The following NSMCE2 variants were observed in gnomAD, a reference collection of about 807,000 sequenced individuals.
NSMCE2 encodes NSE2 SUMO ligase component of SMC5/6 complex, also known as E3 SUMO-protein ligase NSE2.
In NSMCE2, 24 loss-of-function variants were observed where a neutral mutation model predicts 23.8. The observed-to-expected ratio is 1.01, with a 90% CI of 0.73 to 1.42. The LOEUF (loss-of-function observed/expected upper bound fraction) is 1.42. Among genes scored for constraint, NSMCE2 ranks in the 40% most tolerant of loss-of-function variants. The pLI, the probability that NSMCE2 is intolerant of heterozygous loss-of-function variation, is 0.00. For missense variants in NSMCE2, 284 were observed against 296.5 expected (o/e 0.96, Z 0.31); for synonymous variants, 92 against 94.1 (o/e 0.98, Z 0.13).
chr8:125,121,704 C>T (rs1274902311), intron 3 of NSMCE2, among the ~76,000 whole-genome samples: 1 of 152,126 alleles, frequency 6.6e-6, no homozygotes, highest in African/African-American at 2.4e-5. Flanking sequence ...TAATAGCCAA[C>T]TTGTGATGCT....
At chr8:125,252,164 T>G (rs1173854671) in intron 5 of NSMCE2, among the ~76,000 whole-genome samples, 1 of 152,012 alleles carries the variant, frequency 6.6e-6, no homozygotes, top group Admixed American at 6.6e-5. Context: ...TTTAAGAGAC[T>G]AGTAAAGAGA....
intron 4 of NSMCE2, among the ~76,000 whole-genome samples, chr8:125,178,113 G>C (rs928753269): frequency 6.6e-6 from 1 of 152,244 alleles, no homozygotes; most frequent in Non-Finnish European, 1.5e-5. Flanking sequence ...CCTCTCAGTT[G>C]TGTGTCCTCC....
At chr8:125,099,497 C>T (rs542098453) in intron 1 of NSMCE2, among the ~76,000 whole-genome samples, 1 of 151,948 alleles carries the variant, frequency 6.6e-6, no homozygotes, top group South Asian at 2.1e-4. Context: ...TGGGACCCTA[C>T]AACATATGGA....
At chr8:125,123,866 CTTT>C (rs1819383368) in intron 3 of NSMCE2, among the ~76,000 whole-genome samples, 1 of 152,116 alleles carries the variant, frequency 6.6e-6, no homozygotes, top group Non-Finnish European at 1.5e-5. Flanking sequence ...ATCCCATTAG[CTTT>C]TTTATTCTTT....
intron 4 of NSMCE2, among the ~76,000 whole-genome samples, chr8:125,152,336 T>C (rs1821080170): frequency 6.6e-6 from 1 of 152,218 alleles, no homozygotes; most frequent in Admixed American, 6.5e-5. Flanking sequence ...GCACTTAGAC[T>C]AGAGGCTTTC....
At chr8:125,354,181 C>T (rs1406133273) in intron 5 of NSMCE2, among the ~76,000 whole-genome samples, 1 of 152,080 alleles carries the variant, frequency 6.6e-6, no homozygotes, top group Non-Finnish European at 1.5e-5. Flanking sequence ...ATCTGCCCAC[C>T]TCAGCCTCCC....
chr8:125,363,161 A>G (rs949072703), intron 7 of NSMCE2: 6 of 152,146 alleles, frequency 3.9e-5, no homozygotes, highest in Admixed American at 2.6e-4. Context: ...TCTAGTCACA[A>G]AAGTGTCTGT....
At chr8:125,112,334 T>C (rs1818799071) in intron 3 of NSMCE2, among the ~76,000 whole-genome samples, 1 of 152,226 alleles carries the variant, frequency 6.6e-6, no homozygotes, top group South Asian at 2.1e-4. Flanking sequence ...GAAAACAGTA[T>C]GGAGGTTCCT....
chr8:125,341,510 C>A (rs1383586026), intron 5 of NSMCE2, among the ~76,000 whole-genome samples: 2 of 152,168 alleles, frequency 1.3e-5, no homozygotes, highest in African/African-American at 4.8e-5. Flanking sequence ...CCCTGCCTTG[C>A]CCTTTCAGGA....
At chr8:125,332,499 A>G (rs2131301886) in intron 5 of NSMCE2, among the ~76,000 whole-genome samples, 1 of 152,352 alleles carries the variant, frequency 6.6e-6, no homozygotes, top group Non-Finnish European at 1.5e-5. Context: ...AATGCCTATA[A>G]AATAGTTAGC....
At chr8:125,316,299 T>A (rs1380416387) in intron 5 of NSMCE2, among the ~76,000 whole-genome samples, 1 of 152,250 alleles carries the variant, frequency 6.6e-6, no homozygotes, top group Non-Finnish European at 1.5e-5. Context: ...CTTAGTATTG[T>A]GAGAAGCATA....
intron 5 of NSMCE2, among the ~76,000 whole-genome samples, chr8:125,355,151 T>C (rs925356316): frequency 6.6e-6 from 1 of 152,184 alleles, no homozygotes; most frequent in Non-Finnish European, 1.5e-5. Flanking sequence ...ACTCAACCTG[T>C]AGTGCCTTTG....
At chr8:125,161,495 C>G (rs986861714) in intron 4 of NSMCE2, among the ~76,000 whole-genome samples, 4 of 152,066 alleles carry the variant, frequency 2.6e-5, no homozygotes, top group African/African-American at 9.7e-5. Flanking sequence ...GTCAGTATTA[C>G]TTAAAATTGG....
intron 5 of NSMCE2, among the ~76,000 whole-genome samples, chr8:125,225,968 G>C (rs1219174352): frequency 6.6e-6 from 1 of 152,136 alleles, no homozygotes; most frequent in Non-Finnish European, 1.5e-5. Flanking sequence ...TAACCAAAGT[G>C]AATCCTTGAG....
chr8:125,225,920 A>G (rs1000877213), intron 5 of NSMCE2, among the ~76,000 whole-genome samples: 3 of 152,206 alleles, frequency 2.0e-5, no homozygotes, highest in Non-Finnish European at 4.4e-5. Flanking sequence ...TCAAGTAATA[A>G]TTTCCAAAAG....
intron 5 of NSMCE2, chr8:125,348,622 A>G (rs1812884134): frequency 6.6e-6 from 1 of 151,992 alleles, no homozygotes; most frequent in South Asian, 2.1e-4. Context: ...TACTTTTCTC[A>G]TGGTAGTGAA....
In NSMCE2 at chr8:125,145,393, G is replaced by C. The variant is rs996723667; in HGVS notation, c.158-5778G>C. Among the ~76,000 whole-genome samples, 42 of 151,728 alleles carry C rather than the reference G, an allele frequency of 2.8e-4. 1 individual carries two copies. In the East Asian group the frequency reaches 7.3e-3, roughly 26 times the overall value. ...ACTTGATTTTGTGGGGTGGCAGTGCGGGGGGGATAGCTAGTTATTGTACTA... is the reference window on the plus strand; with the variant it reads ...ACTTGATTTTGTGGGGTGGCAGTGCCGGGGGGATAGCTAGTTATTGTACTA... On this transcript the variant is annotated intron_variant, in intron 3 of 7. Transcript: ENST00000287437.
At chr8:125,181,974 G>A in intron 4 of NSMCE2, 129 bp from the exon 5 acceptor site, 1 of 726,670 alleles carries the variant, frequency 1.4e-6, no homozygotes, top group South Asian at 1.9e-5. Context: ...CTGGTGCTTT[G>A]TTCAAGAGAT....
rs113772162 is a variant in NSMCE2, at chr8:125,256,281, C to CAA, written c.418+74041_418+74042dup. ...TTGGGGACAGAGTGAGACTCCGTCT[C>CAA]AAAAAAAAAAAAAAAAACTAACTGA... On this transcript the variant is annotated intron_variant, in intron 5 of 7. Coordinates refer to ENST00000287437, the MANE Select transcript of NSMCE2 (RefSeq NM_173685.4). Among the ~76,000 whole-genome samples the CAA allele has an allele frequency of 1.0e-3, 77 of 76,170 alleles. 1 individual carries two copies. Among genetic ancestry groups the CAA allele is most frequent in the Admixed American group, 1.6e-3 (12 of 7,582 alleles). 50.0% of individuals were successfully genotyped at this position (76,170 alleles called of 152,430 possible).
Sources: allele counts gnomAD v4.1 joint callset (sites outside exome capture counted in the v4.1 genomes callset), GRCh38; gene constraint gnomAD v4.1.1; transcripts MANE v1.5; gene names NCBI Gene and HGNC (gene_info 2026-07-23, HGNC 2026-07-21).